The following NEBL variants were observed in gnomAD, a reference collection of about 807,000 sequenced individuals.
NEBL encodes the protein LIM and SH3 protein 2.
In NEBL, 122 loss-of-function variants were observed where a neutral mutation model predicts 140.2. That is an observed-to-expected ratio of 0.87 (90% CI 0.75 to 1.01). The LOEUF (loss-of-function observed/expected upper bound fraction) is 1.01, where lower values mean the gene tolerates loss of function less well. NEBL is among the 50% of genes least tolerant of loss of function. NEBL has a pLI of 0.00. For synonymous variants in NEBL, 436 were observed against 398.9 expected, an observed-to-expected ratio of 1.09 and a Z score of -1.11; for missense variants, 1,365 against 1,231.3, an observed-to-expected ratio of 1.11 and a Z score of -1.62.
intron 2 of NEBL, among the ~76,000 whole-genome samples, chr10:21,061,351 C>T (rs922387636): frequency 2.0e-5 from 3 of 147,880 alleles, no homozygotes; most frequent in Non-Finnish European, 3.0e-5. Flanking sequence ...TAATATGTTA[C>T]ATAATATATG....
intron 3 of NEBL, among the ~76,000 whole-genome samples, chr10:21,219,698 T>G (rs139260551): frequency 1.2e-3 from 185 of 152,332 alleles, no homozygotes; most frequent in African/African-American, 4.2e-3. Context: ...TTTGACAATA[T>G]TAATTCTGCC....
At chr10:21,248,525 A>T (rs1253252352) in intron 2 of NEBL, among the ~76,000 whole-genome samples, 2 of 152,216 alleles carry the variant, frequency 1.3e-5, no homozygotes, top group Non-Finnish European at 1.5e-5. Context: ...ACTGAAGAAC[A>T]TTCGATACAT....
At chr10:20,871,583 C>G (rs1178830659) in intron 5 of NEBL, among the ~76,000 whole-genome samples, 1 of 152,120 alleles carries the variant, frequency 6.6e-6, no homozygotes, top group East Asian at 1.9e-4. Flanking sequence ...ATTTGCTTCA[C>G]CACCAAGACT....
intron 4 of NEBL, among the ~76,000 whole-genome samples, chr10:20,952,968 T>G (rs772697454): frequency 1.1e-4 from 16 of 144,064 alleles, no homozygotes; most frequent in Non-Finnish European, 1.7e-4. Context: ...AAACAAGAAA[T>G]TAGCTCATGA....
intron 2 of NEBL, among the ~76,000 whole-genome samples, chr10:21,121,704 C>G (rs1235347172): frequency 6.6e-6 from 1 of 152,138 alleles, no homozygotes; most frequent in Non-Finnish European, 1.5e-5. Flanking sequence ...GATGCCATCT[C>G]CGTTTAAATG....
chr10:20,920,679 G>C (rs1043487648), intron 4 of NEBL, among the ~76,000 whole-genome samples: 2 of 152,120 alleles, frequency 1.3e-5, no homozygotes, highest in Admixed American at 1.3e-4. Context: ...GTCAGAATAG[G>C]AAGGAAGAAA....
chr10:21,192,365 T>C (rs977276740), intron 3 of NEBL, among the ~76,000 whole-genome samples: 1 of 151,524 alleles, frequency 6.6e-6, no homozygotes, highest in Non-Finnish European at 1.5e-5. Context: ...CTAATTTTTT[T>C]ATAATTTTAG....
At chr10:21,233,180 C>A (rs1159967708) in intron 3 of NEBL, among the ~76,000 whole-genome samples, 1 of 152,176 alleles carries the variant, frequency 6.6e-6, no homozygotes, top group African/African-American at 2.4e-5. Flanking sequence ...CCCACCTCAG[C>A]CTTCTGTGTA....
At chr10:21,161,802 G>A (rs989632974) in intron 2 of NEBL, among the ~76,000 whole-genome samples, 17 of 152,284 alleles carry the variant, frequency 1.1e-4, no homozygotes, top group African/African-American at 3.9e-4. Flanking sequence ...AAGCATGCCT[G>A]TTGTATAATA....
At position 20,783,028 on chromosome 10, in the gene NEBL, C is replaced by T. The variant is rs1181629439; in HGVS notation, c.*2719G>A. 6.6e-6 allele frequency: 1 copy of T among 152,616 alleles called. No individual in the cohort carries two copies. The highest frequency in any genetic ancestry group is 6.6e-5 in the Admixed American group (1 of 15,260). 9.5% of individuals were successfully genotyped at this position (152,616 alleles called of 1,614,324 possible). A position where few individuals can be genotyped will look rare whatever the true frequency, so the allele number is the denominator to read the frequency against. On this transcript the variant is annotated 3_prime_UTR_variant, in exon 28 of 28. Coordinates refer to ENST00000377122, the MANE Select transcript of NEBL (RefSeq NM_006393.3). ...CAAACTTTAGAAAGTCAGGTGCATG[C>T]TCTCTGTGCTTGGACATTTACACAG... is the stretch of plus-strand genomic sequence containing the variant.
At chr10:21,110,473 T>C (rs953604985) in intron 2 of NEBL, among the ~76,000 whole-genome samples, 3 of 152,184 alleles carry the variant, frequency 2.0e-5, no homozygotes, top group Non-Finnish European at 4.4e-5. Flanking sequence ...TTAATATCTA[T>C]ACAATCTGTA....
In NEBL at chr10:20,823,194, A is replaced by C. The variant is rs1292029849; in HGVS notation, c.1962+14T>G. 1 of 1,580,856 alleles carries C rather than the reference A, an allele frequency of 6.3e-7. No individual in the cohort carries two copies. Among genetic ancestry groups the C allele is most frequent in the South Asian group, 1.1e-5 (1 of 90,088 alleles). On this transcript the variant is annotated intron_variant, in intron 19 of 27. Coordinates refer to ENST00000377122, the MANE Select transcript of NEBL (RefSeq NM_006393.3). ...CAATAAAATTTTTAAAAAATACTTAAGAAATATGATCACATTGCTGATGTT... is the reference window on the plus strand; with the variant it reads ...CAATAAAATTTTTAAAAAATACTTACGAAATATGATCACATTGCTGATGTT...
chr10:21,007,223 G>A (rs770149525), intron 3 of NEBL, among the ~76,000 whole-genome samples: 42 of 152,124 alleles, frequency 2.8e-4, no homozygotes, highest in East Asian at 1.5e-3. Context: ...CCCCACAGCC[G>A]CTGGTCTCTC....
intron 17 of NEBL, 95 bp downstream of exon 17, chr10:20,828,435 A>G: frequency 2.5e-6 from 2 of 785,080 alleles, no homozygotes; most frequent in Non-Finnish European, 4.5e-6. Context: ...AATTCAACTA[A>G]GACAGCAGAA....
chr10:21,029,582 C>G, intron 2 of NEBL: 1 of 1,591,352 alleles, frequency 6.3e-7, no homozygotes, highest in Non-Finnish European at 8.6e-7. Flanking sequence ...TCTGACAAAA[C>G]AGATACAGAC....
At chr10:21,239,508 A>G (rs1057145677) in intron 3 of NEBL, among the ~76,000 whole-genome samples, 19 of 152,040 alleles carry the variant, frequency 1.2e-4, no homozygotes, top group African/African-American at 4.3e-4. Context: ...GCTCACTGAA[A>G]GGACTTATCT....
chr10:21,008,724 T>C (rs1838225579), intron 3 of NEBL, among the ~76,000 whole-genome samples: 3 of 152,148 alleles, frequency 2.0e-5, no homozygotes, highest in Admixed American at 2.0e-4. Context: ...TCTCTTCCTG[T>C]GCCTAATTTA....
chr10:20,811,891 TCCTTCCTAGCCCTG>T (rs1391949461), intron 24 of NEBL, among the ~76,000 whole-genome samples: 14 of 152,188 alleles, frequency 9.2e-5, no homozygotes, highest in Non-Finnish European at 1.8e-4. Context: ...TCAATAATCA[TCCTTCCTAGCCCTG>T]CCTTATACTT....
chr10:21,056,638 T>C (rs117744561), intron 2 of NEBL, among the ~76,000 whole-genome samples: 2,153 of 152,320 alleles, frequency 0.014, 22 homozygotes, highest in South Asian at 0.039. Flanking sequence ...ACACCCATAT[T>C]GTCATGTCAA....
Sources: allele counts gnomAD v4.1 joint callset (sites outside exome capture counted in the v4.1 genomes callset), GRCh38; gene constraint gnomAD v4.1.1; transcripts MANE v1.5; gene names NCBI Gene and HGNC (gene_info 2026-07-23, HGNC 2026-07-21).